GRK5: variants seen among roughly 807,000 people sequenced by gnomAD.
The protein encoded by GRK5 is G protein-coupled receptor kinase 5.
In GRK5, 40 loss-of-function variants were observed where a neutral mutation model predicts 78.4. That is an observed-to-expected ratio of 0.51 (90% CI 0.40 to 0.66). The LOEUF (loss-of-function observed/expected upper bound fraction) is 0.66, where lower values mean the gene tolerates loss of function less well. Ranked by LOEUF, GRK5 falls within the 30% of genes least tolerant of loss-of-function variation. The pLI, the probability that GRK5 is intolerant of heterozygous loss-of-function variation, is 0.00. For missense variants in GRK5, 598 were observed against 759.9 expected, an observed-to-expected ratio of 0.79 and a Z score of 2.50; for synonymous variants, 289 against 296.8, an observed-to-expected ratio of 0.97 and a Z score of 0.27.
At chr10:119,274,058 T>G (rs1849628470) in intron 1 of GRK5, among the ~76,000 whole-genome samples, 1 of 152,232 alleles carries the variant, frequency 6.6e-6, no homozygotes, top group Non-Finnish European at 1.5e-5. Flanking sequence ...TGTATTCTTT[T>G]AAACTTCAGC....
chr10:119,339,912 A>C (rs1850955643), intron 2 of GRK5, among the ~76,000 whole-genome samples: 1 of 152,054 alleles, frequency 6.6e-6, no homozygotes, highest in Admixed American at 6.6e-5. Context: ...ACAAAAACAA[A>C]ACCAACAACC....
chr10:119,240,496 C>T (rs528786129), intron 1 of GRK5, among the ~76,000 whole-genome samples: 152 of 152,142 alleles, frequency 1.0e-3, no homozygotes, highest in African/African-American at 3.5e-3. Flanking sequence ...CCACCACGCC[C>T]GGCCTTCCCA....
intron 3 of GRK5, among the ~76,000 whole-genome samples, chr10:119,381,833 G>A (rs80148532): frequency 0.12 from 17,746 of 152,146 alleles, 1,143 homozygotes; most frequent in Middle Eastern, 0.2. Context: ...CAGCCATCCC[G>A]ACCTCTATCT....
intron 2 of GRK5, among the ~76,000 whole-genome samples, chr10:119,343,264 T>TGA (rs58146681): frequency 0.016 from 2,444 of 148,976 alleles, 66 homozygotes; most frequent in African/African-American, 0.056. Flanking sequence ...AGTGAACAGA[T>TGA]GAGAGAGAGA....
At chr10:119,370,096 C>T (rs1464358604) in intron 2 of GRK5, among the ~76,000 whole-genome samples, 2 of 152,212 alleles carry the variant, frequency 1.3e-5, no homozygotes, top group African/African-American at 4.8e-5. Context: ...CTCCTGGATA[C>T]CTCCCTGACT....
intron 1 of GRK5, among the ~76,000 whole-genome samples, chr10:119,257,452 C>T (rs765063158): frequency 9.2e-5 from 14 of 152,194 alleles, no homozygotes; most frequent in Non-Finnish European, 1.8e-4. Flanking sequence ...GGGCCGGGTA[C>T]GGTGGCTCAC....
At chr10:119,399,772 AC>A (rs1852118552) in intron 4 of GRK5, among the ~76,000 whole-genome samples, 1 of 152,122 alleles carries the variant, frequency 6.6e-6, no homozygotes, top group African/African-American at 2.4e-5. Context: ...TCTGCTGAGC[AC>A]ACTTTGGGCT....
intron 1 of GRK5, among the ~76,000 whole-genome samples, chr10:119,259,362 C>T (rs1308855944): frequency 6.6e-6 from 1 of 152,226 alleles, no homozygotes; most frequent in African/African-American, 2.4e-5. Flanking sequence ...CTGCGCCCGG[C>T]CTAACACTCC....
chr10:119,451,383 C>A (rs1853282469), intron 13 of GRK5, among the ~76,000 whole-genome samples: 1 of 152,206 alleles, frequency 6.6e-6, no homozygotes, highest in East Asian at 1.9e-4. Flanking sequence ...TCTTAACATT[C>A]CTCTGCAAGC....
intron 1 of GRK5, among the ~76,000 whole-genome samples, chr10:119,290,359 A>AG (rs1460311810): frequency 7.0e-6 from 1 of 142,476 alleles, no homozygotes; most frequent in Non-Finnish European, 1.5e-5. Flanking sequence ...AAAAAAAAAA[A>AG]AAAACAAAAA....
intron 2 of GRK5, among the ~76,000 whole-genome samples, chr10:119,377,617 G>A (rs1291294949): frequency 6.6e-6 from 1 of 152,178 alleles, no homozygotes; most frequent in Non-Finnish European, 1.5e-5. Flanking sequence ...GAACTGAGGT[G>A]CTGACAGCTT....
At chr10:119,395,865 C>G (rs1012756653) in intron 3 of GRK5, among the ~76,000 whole-genome samples, 1 of 152,124 alleles carries the variant, frequency 6.6e-6, no homozygotes, top group Non-Finnish European at 1.5e-5. Flanking sequence ...TGACCCTATG[C>G]AAGTCCCTTC....
chr10:119,308,036 C>G (rs1456206423), intron 1 of GRK5, among the ~76,000 whole-genome samples: 2 of 152,170 alleles, frequency 1.3e-5, no homozygotes, highest in African/African-American at 4.8e-5. Flanking sequence ...ACCCACCTCT[C>G]CAGGCATCGT....
intron 1 of GRK5, among the ~76,000 whole-genome samples, chr10:119,214,389 CTACTG>C (rs1449940941): frequency 2.6e-5 from 4 of 152,122 alleles, no homozygotes; most frequent in Non-Finnish European, 5.9e-5. Context: ...TGCATTGACT[CTACTG>C]TGCCTAGAAT....
chr10:119,452,913 G>A lies in GRK5; in HGVS notation c.1542+105G>A. Reference sequence around the variant, plus strand: ...TTTGGCGGCAGGAGGCTGAGCGCATGGTTTCTGTTTTCTCCATGAAGGCAG... The same window carrying A: ...TTTGGCGGCAGGAGGCTGAGCGCATAGTTTCTGTTTTCTCCATGAAGGCAG... On this transcript the variant is annotated intron_variant, in intron 14 of 15. Coordinates refer to ENST00000392870, the MANE Select transcript of GRK5 (RefSeq NM_005308.3). This position sits in a 1 kb window ranked among gnomAD's most constrained non-coding sequence, Gnocchi z 4.4. 3 of 1,355,486 alleles carry A rather than the reference G, an allele frequency of 2.2e-6. No homozygotes were observed. The highest frequency in any genetic ancestry group is 1.8e-5 in the Admixed American group (1 of 54,606). The allele number at this position is 1,355,486 out of a possible 1,614,324, so 84.0% of individuals were successfully genotyped here.
chr10:119,369,563 G>A (rs17608274), intron 2 of GRK5, among the ~76,000 whole-genome samples: 15,927 of 152,238 alleles, frequency 0.1, 1,023 homozygotes, highest in Middle Eastern at 0.19. Context: ...GTGCTTTTAG[G>A]AGAGCTGTTT....
intron 3 of GRK5, among the ~76,000 whole-genome samples, chr10:119,382,572 C>T (rs1851730930): frequency 6.6e-6 from 1 of 152,190 alleles, no homozygotes; most frequent in Non-Finnish European, 1.5e-5. Flanking sequence ...CTCTGTAACA[C>T]TTTGTAGCAA....
At chr10:119,428,910 T>C (rs905075545) in intron 6 of GRK5, among the ~76,000 whole-genome samples, 1 of 152,190 alleles carries the variant, frequency 6.6e-6, no homozygotes, top group Non-Finnish European at 1.5e-5. Context: ...ATTCCACTCA[T>C]TTCCCCCAGC....
chr10:119,263,802 TG>T (rs1849450760), intron 1 of GRK5, among the ~76,000 whole-genome samples: 2 of 152,026 alleles, frequency 1.3e-5, no homozygotes, highest in African/African-American at 4.8e-5. Context: ...GGCGGGCGCC[TG>T]TATAGTCCCA....
Sources: gnomAD v4.1 joint callset for allele counts (sites outside exome capture counted in the v4.1 genomes callset) on GRCh38, gnomAD v4.1.1 for gene constraint, Gnocchi (gnomAD v3.1) non-coding constraint, MANE v1.5 for transcripts, NCBI Gene and HGNC (gene_info 2026-07-23, HGNC 2026-07-21) for gene names.